The following MEGF10 variants were observed in gnomAD, a reference collection of about 807,000 sequenced individuals.
MEGF10 encodes the protein multiple EGF like domains 10, also known as multiple epidermal growth factor-like domains protein 10.
Under a neutral mutation model 147.5 loss-of-function variants are expected in MEGF10, and 86 were observed. The observed-to-expected ratio is 0.58, with a 90% CI of 0.49 to 0.70. The LOEUF (loss-of-function observed/expected upper bound fraction) is 0.70. MEGF10 is among the 30% of genes least tolerant of loss of function. MEGF10 has a pLI of 0.00. For synonymous variants in MEGF10, 478 were observed against 525.5 expected (o/e 0.91, Z 1.24); for missense variants, 1,329 against 1,487.3 (o/e 0.89, Z 1.75).
At chr5:127,301,241 C>T (rs1487193607) in intron 1 of MEGF10, among the ~76,000 whole-genome samples, 1 of 152,170 alleles carries the variant, frequency 6.6e-6, no homozygotes, top group Non-Finnish European at 1.5e-5. Flanking sequence ...AACCTGTCGT[C>T]CTTTTTCTCT....
chr5:127,429,102 C>A (rs1765308439), intron 13 of MEGF10, among the ~76,000 whole-genome samples: 1 of 152,318 alleles, frequency 6.6e-6, no homozygotes. Context: ...GAGATGGCTG[C>A]AGATTTAAAC....
At chr5:127,431,334 T>C (rs562747398) in intron 13 of MEGF10, among the ~76,000 whole-genome samples, 3 of 152,292 alleles carry the variant, frequency 2.0e-5, no homozygotes, top group South Asian at 4.2e-4. Context: ...TAACCTATGA[T>C]ATAAAAAAGC....
chr5:127,421,988 CA>C lies in MEGF10; in HGVS notation c.1591-662del, dbSNP rs34631374. Among the ~76,000 whole-genome samples the C allele has an allele frequency of 7.9e-3, 487 of 61,294 alleles. 3 individuals are homozygous for C. The highest frequency in any genetic ancestry group is 0.038 in the Middle Eastern group (5 of 132). 40.2% of individuals were successfully genotyped at this position (61,294 alleles called of 152,430 possible). Reference sequence around the variant, plus strand: ...TGGGTGAAAGAGTGAGACTCCGTCTCAAAAAAAAAAAAAAAAAAAATGACCC... The same window carrying C: ...TGGGTGAAAGAGTGAGACTCCGTCTCAAAAAAAAAAAAAAAAAAATGACCC... On this transcript the variant is annotated intron_variant, in intron 12 of 24. Coordinates refer to ENST00000503335, the MANE Select transcript of MEGF10 (RefSeq NM_001256545.2).
At chr5:127,379,198 T>A (rs919881173) in intron 5 of MEGF10, among the ~76,000 whole-genome samples, 10 of 152,096 alleles carry the variant, frequency 6.6e-5, no homozygotes, top group Non-Finnish European at 1.3e-4. Flanking sequence ...CATGCCACGT[T>A]CTCTCTAAAC....
intron 5 of MEGF10, among the ~76,000 whole-genome samples, chr5:127,381,362 G>T (rs557920507): frequency 6.6e-6 from 1 of 151,420 alleles, no homozygotes; most frequent in Non-Finnish European, 1.5e-5. Context: ...GTTTGTACAG[G>T]GAGCAGAAAT....
rs1203653942 is a variant in MEGF10, at chr5:127,294,831, AT to A, written c.-19+3776del. Reference sequence around the variant, plus strand: ...AATAATAATAATAATAATAATAATAATAATAAATAACTTGGAGTAGAAAAAG... The same window carrying A: ...AATAATAATAATAATAATAATAATAAAATAAATAACTTGGAGTAGAAAAAG... On this transcript the variant is annotated intron_variant, in intron 1 of 24. Coordinates refer to ENST00000503335, the MANE Select transcript of MEGF10 (RefSeq NM_001256545.2). Among the ~76,000 whole-genome samples, 202 of 147,194 alleles carry A rather than the reference AT, an allele frequency of 1.4e-3. 1 individual carries two copies. The highest frequency in any genetic ancestry group is 3.8e-3 in the African/African-American group (153 of 40,464).
chr5:127,352,856 T>C (rs944027296), intron 4 of MEGF10, among the ~76,000 whole-genome samples: 4 of 152,138 alleles, frequency 2.6e-5, no homozygotes, highest in African/African-American at 9.7e-5. Context: ...AGAAGACAGT[T>C]TGAGAGAGAG....
the MEGF10 span, among the ~76,000 whole-genome samples, chr5:127,278,112 CA>C: frequency 6.6e-6 from 1 of 151,972 alleles, no homozygotes; most frequent in African/African-American, 2.4e-5. Flanking sequence ...AAAAGTGATC[CA>C]ATGACTGAGA....
chr5:127,309,998 C>CTTTCTTTCTTTCTTTCTTTCT (rs1561562066), intron 1 of MEGF10, among the ~76,000 whole-genome samples: 1 of 13,252 alleles, frequency 7.5e-5, no homozygotes, highest in African/African-American at 2.4e-4. Context: ...TCTTTCTTTC[C>CTTTCTTTCTTTCTTTCTTTCT]TTCCTTCCTT....
At chr5:127,299,380 A>G (rs1759664558) in intron 1 of MEGF10, among the ~76,000 whole-genome samples, 1 of 152,168 alleles carries the variant, frequency 6.6e-6, no homozygotes, top group African/African-American at 2.4e-5. Flanking sequence ...AAAGTTATTG[A>G]TAAGTTTGGA....
chr5:127,434,561 C>T (rs762008555), intron 14 of MEGF10, 126 bp from the exon 15 acceptor site: 117 of 1,029,444 alleles, frequency 1.1e-4, no homozygotes, highest in Admixed American at 1.4e-4. Context: ...GAAAATTCTC[C>T]GTATCTTTTT....
chr5:127,457,265 A>G lies in MEGF10; in HGVS notation c.3370A>G (p.Lys1124Glu). 1.2e-6 allele frequency: 2 copies of G among 1,614,010 alleles called. No homozygotes were observed. Among genetic ancestry groups the G allele is most frequent in the Non-Finnish European group, 1.7e-6 (2 of 1,179,982 alleles). Residue 1124 changes from lysine (K) to glutamate (E), a missense_variant, in exon 25 of 25, where the codon AAG (lysine) becomes GAG (glutamate). This residue lies in a region of MEGF10 where 343 missense variants were observed against 377.9 expected (regional missense o/e 0.91). Transcript: ENST00000503335. ...LPVRDSSSSPKQEDSGGSSSN... is the reference protein window; with the variant it reads ...LPVRDSSSSPEQEDSGGSSSN... ...AGTCCGAGACAGTTCATCCTCCCCT[A>G]AGCAAGAGGACAGTGGTGGTAGCAG...
At chr5:127,407,958 G>A (rs1163069797) in intron 8 of MEGF10, among the ~76,000 whole-genome samples, 1 of 152,116 alleles carries the variant, frequency 6.6e-6, no homozygotes, top group Admixed American at 6.5e-5. Context: ...ACATAAAATG[G>A]GAATATGAAT....
chr5:127,438,767 A>T (rs781204263), intron 17 of MEGF10, among the ~76,000 whole-genome samples, 200 bp downstream of exon 17: 17 of 152,186 alleles, frequency 1.1e-4, no homozygotes, highest in South Asian at 4.1e-4. Flanking sequence ...TCTAGGTTCT[A>T]TCTCCACTGA....
chr5:127,410,739 G>C, intron 9 of MEGF10, 138 bp downstream of exon 9: 3 of 745,034 alleles, frequency 4.0e-6, no homozygotes, highest in Non-Finnish European at 6.6e-6. Context: ...GGCAGGAATC[G>C]CCGAGTAAAA....
the MEGF10 span, among the ~76,000 whole-genome samples, chr5:127,244,226 G>T: frequency 6.9e-6 from 1 of 144,486 alleles, no homozygotes; most frequent in Non-Finnish European, 1.5e-5. Flanking sequence ...AATTCTTCCA[G>T]AATGTAGGGC....
chr5:127,391,102 GCACACACACACACACACACACACACACA>G (rs70997334), intron 5 of MEGF10, among the ~76,000 whole-genome samples: 3 of 53,894 alleles, frequency 5.6e-5, no homozygotes, highest in Non-Finnish European at 1.5e-4. Flanking sequence ...GCGCGCGCGC[GCACACACACACACACACACACACACACA>G]CACACACACA....
intron 13 of MEGF10, among the ~76,000 whole-genome samples, chr5:127,431,735 G>A (rs943715273): frequency 1.3e-5 from 2 of 152,200 alleles, no homozygotes; most frequent in Non-Finnish European, 2.9e-5. Flanking sequence ...AACTGAGAGC[G>A]AAGTGTTTAG....
chr5:127,303,797 GC>G (rs1561558049), intron 1 of MEGF10, among the ~76,000 whole-genome samples: 1 of 152,160 alleles, frequency 6.6e-6, no homozygotes, highest in African/African-American at 2.4e-5. Context: ...ATCCTGGCTT[GC>G]CCCATTGTTA....
Sources: gnomAD v4.1 joint callset for allele counts (sites outside exome capture counted in the v4.1 genomes callset) on GRCh38, gnomAD v4.1.1 for gene constraint, gnomAD v4.1.1 regional missense constraint, MANE v1.5 for transcripts, NCBI Gene and HGNC (gene_info 2026-07-23, HGNC 2026-07-21) for gene names.